The following EED variants were observed in gnomAD, a reference collection of about 807,000 sequenced individuals.
EED encodes polycomb protein EED.
A neutral mutation model predicts 61.0 loss-of-function variants in EED; 9 were observed. That is an observed-to-expected ratio of 0.15 (90% CI 0.09 to 0.26). EED has a LOEUF of 0.26. Among genes scored for constraint, EED ranks in the 10% least tolerant of loss-of-function variants. The probability of loss-of-function intolerance (pLI) is 1.00; values close to 1 mark genes in which losing one functional copy is unlikely to be tolerated. For missense variants in EED, 315 were observed against 542.3 expected (o/e 0.58, Z 4.16); for synonymous variants, 187 against 174.4 (o/e 1.07, Z -0.57).
At chr11:86,266,977 G>A (rs1444227267) in intron 8 of EED, among the ~76,000 whole-genome samples, 1 of 152,124 alleles carries the variant, frequency 6.6e-6, no homozygotes, top group Non-Finnish European at 1.5e-5. Flanking sequence ...ATATTTCAAT[G>A]CACTAACATT....
In EED at chr11:86,245,028, C is replaced by A. The variant is rs1036445084; in HGVS notation, c.-202C>A. 3 of 475,404 alleles carry A rather than the reference C, an allele frequency of 6.3e-6. No homozygotes were observed. The highest frequency in any genetic ancestry group is 7.5e-5 in the East Asian group (2 of 26,564). 29.4% of individuals were successfully genotyped at this position (475,404 alleles called of 1,614,324 possible). On this transcript the variant is annotated 5_prime_UTR_variant, in exon 1 of 12. Transcript: ENST00000263360. ...AGGAAGCCGCGCGGGAGGGCGCGCG[C>A]GCGCGCCCCTTTTTCAGCAGTGTGG...
At chr11:86,281,222 G>A (rs1946319749), downstream of EED, among the ~76,000 whole-genome samples, 1 of 152,146 alleles carries the variant, frequency 6.6e-6, no homozygotes, top group South Asian at 2.1e-4. Flanking sequence ...AGAATGTGAG[G>A]ATTGGTATTA....
At chr11:86,287,278 A>AAATGGCCTCTCTTT in the EED span, among the ~76,000 whole-genome samples, 1 of 152,164 alleles carries the variant, frequency 6.6e-6, no homozygotes, top group Non-Finnish European at 1.5e-5. Context: ...AAAAAGTGCT[A>AAATGGCCTCTCTTT]AATGGCCTCT....
chr11:86,275,029 A>ATTG (rs111379316), intron 9 of EED, among the ~76,000 whole-genome samples: 51 of 151,582 alleles, frequency 3.4e-4, no homozygotes, highest in African/African-American at 7.5e-4. Flanking sequence ...GCAGGCTTTT[A>ATTG]TTGTTGTTGT....
At chr11:86,276,763 T>C in intron 9 of EED, 1 of 360,292 alleles carries the variant, frequency 2.8e-6, no homozygotes, top group Non-Finnish European at 4.9e-6. Flanking sequence ...AATGTGATTC[T>C]TTTGTATTAT....
chr11:86,266,253 G>GAC, intron 8 of EED, 37 bp downstream of exon 8: 1 of 1,535,958 alleles, frequency 6.5e-7, no homozygotes, highest in Non-Finnish European at 8.8e-7. Flanking sequence ...TTGCTATGTT[G>GAC]TGCTATTGAA....
intron 8 of EED, chr11:86,268,070 A>C (rs1946027125): frequency 6.4e-6 from 1 of 156,026 alleles, no homozygotes; most frequent in Non-Finnish European, 1.4e-5. Context: ...TAGATTATTA[A>C]TGCTTAATTT....
At chr11:86,284,405 A>G in the EED span, 2 of 152,276 alleles carry the variant, frequency 1.3e-5, no homozygotes, top group Non-Finnish European at 2.9e-5. Flanking sequence ...GTGGCACATC[A>G]TGGACCTCAT....
intron 3 of EED, among the ~76,000 whole-genome samples, chr11:86,253,912 A>G (rs1248295148): frequency 6.6e-6 from 1 of 151,776 alleles, no homozygotes; most frequent in Admixed American, 6.6e-5. Flanking sequence ...GCTGGGCATG[A>G]TAGCGAGTGC....
At chr11:86,246,395 T>G (rs1444503256) in intron 1 of EED, among the ~76,000 whole-genome samples, 1 of 152,254 alleles carries the variant, frequency 6.6e-6, no homozygotes, top group Non-Finnish European at 1.5e-5. Context: ...CTTCATTTTC[T>G]CAGTTTGGCT....
chr11:86,258,405 A>T (rs2138167165), intron 6 of EED, among the ~76,000 whole-genome samples: 1 of 152,328 alleles, frequency 6.6e-6, no homozygotes, highest in South Asian at 2.1e-4. Context: ...GCATTTTGGA[A>T]ATCACTACCT....
chr11:86,249,137 A>G (rs1399579212), intron 1 of EED, among the ~76,000 whole-genome samples: 2 of 152,232 alleles, frequency 1.3e-5, no homozygotes, highest in Non-Finnish European at 2.9e-5. Flanking sequence ...AATTATGTGA[A>G]TACAACTGAA....
intron 9 of EED, among the ~76,000 whole-genome samples, chr11:86,269,098 C>G (rs1407058982): frequency 6.6e-6 from 1 of 152,106 alleles, no homozygotes; most frequent in Non-Finnish European, 1.5e-5. Flanking sequence ...CAGCTTAGCC[C>G]AGCCTATCTT....
intron 11 of EED, 168 bp from the exon 12 acceptor site, chr11:86,278,231 A>G: frequency 1.5e-6 from 2 of 1,340,282 alleles, no homozygotes; most frequent in East Asian, 2.7e-5. Flanking sequence ...CTTAAAATAT[A>G]TCTAAATTTT....
intron 10 of EED, 123 bp from the exon 11 acceptor site, chr11:86,277,795 C>A: frequency 1.2e-6 from 1 of 844,402 alleles, no homozygotes; most frequent in Non-Finnish European, 1.7e-6. Flanking sequence ...AAAGAAATAG[C>A]CAAGAGCACA....
intron 7 of EED, chr11:86,265,314 A>G (rs1004489706): frequency 6.6e-6 from 1 of 152,238 alleles, no homozygotes; most frequent in African/African-American, 2.4e-5. Flanking sequence ...CTCCTTCAAT[A>G]GAACTCTCTA....
At chr11:86,275,773 A>G (rs924573891) in intron 9 of EED, among the ~76,000 whole-genome samples, 1 of 152,152 alleles carries the variant, frequency 6.6e-6, no homozygotes, top group African/African-American at 2.4e-5. Flanking sequence ...TATTGATCCA[A>G]TTTTGCATTT....
chr11:86,280,886 A>C (rs952756142), downstream of EED, among the ~76,000 whole-genome samples: 1 of 152,178 alleles, frequency 6.6e-6, no homozygotes, highest in African/African-American at 2.4e-5. Flanking sequence ...AAGGGTGTTG[A>C]ATTTTGTCAA....
intron 6 of EED, among the ~76,000 whole-genome samples, chr11:86,263,208 A>G (rs1299044236): frequency 1.3e-5 from 2 of 152,138 alleles, no homozygotes; most frequent in Admixed American, 6.5e-5. Flanking sequence ...ACATTGTTCT[A>G]CCAACATTCT....
Sources: gnomAD v4.1 joint callset for allele counts (sites outside exome capture counted in the v4.1 genomes callset) on GRCh38, gnomAD v4.1.1 for gene constraint, MANE v1.5 for transcripts, NCBI Gene and HGNC (gene_info 2026-07-23, HGNC 2026-07-21) for gene names.